The following TBC1D9 variants were observed in gnomAD, a reference collection of about 807,000 sequenced individuals.
TBC1D9 encodes the protein TBC1 domain family member 9A.
TBC1D9 carries 63 observed loss-of-function variants against 132.0 expected under a neutral mutation model. The ratio of observed to expected loss-of-function variants is 0.48; its 90% CI spans 0.39 to 0.59. The LOEUF (loss-of-function observed/expected upper bound fraction) is 0.59, where lower values mean the gene tolerates loss of function less well. Among genes scored for constraint, TBC1D9 ranks in the 20% least tolerant of loss-of-function variants. The pLI is 0.00. For missense variants in TBC1D9, 1,261 were observed against 1,592.7 expected (o/e 0.79, Z 3.54); for synonymous variants, 610 against 609.9 (o/e 1.00, Z 0.00).
chr4:140,635,786 G>A (rs528283329), intron 15 of TBC1D9, among the ~76,000 whole-genome samples: 2 of 152,250 alleles, frequency 1.3e-5, no homozygotes, highest in East Asian at 3.9e-4. Context: ...TCAAAGTTCC[G>A]TGGGCTTTGG....
rs1005742658 is a variant in TBC1D9, at chr4:140,685,480, T to G, written c.360+864A>C. 2.6e-5 allele frequency among the ~76,000 whole-genome samples: 4 copies of G among 152,104 alleles called. No homozygotes were observed. In the East Asian group the frequency reaches 7.7e-4, roughly 29 times the overall value. On this transcript the variant is annotated intron_variant, in intron 3 of 20. Coordinates refer to ENST00000442267, the MANE Select transcript of TBC1D9 (RefSeq NM_015130.3). ...AGTAAAAAACCAGAATTGTATACTT[T>G]AAAAACCTCAATGTCATAGAAGACA... is the stretch of plus-strand genomic sequence containing the variant.
intron 16 of TBC1D9, among the ~76,000 whole-genome samples, chr4:140,632,262 GT>G (rs11375011): frequency 1.1e-4 from 16 of 147,430 alleles, no homozygotes; most frequent in East Asian, 9.9e-4. Context: ...TTGCCCAAAG[GT>G]TTTTTTTTTT....
chr4:140,712,615 G>A (rs1016345587), intron 1 of TBC1D9, among the ~76,000 whole-genome samples: 24 of 150,330 alleles, frequency 1.6e-4, no homozygotes, highest in Admixed American at 1.1e-3. Flanking sequence ...AGTGGCGGGC[G>A]CCTGTTGTCC....
At chr4:140,754,210 A>G (rs1206650812) in intron 1 of TBC1D9, among the ~76,000 whole-genome samples, 1 of 152,226 alleles carries the variant, frequency 6.6e-6, no homozygotes, top group Non-Finnish European at 1.5e-5. Flanking sequence ...CAAATGACAC[A>G]GGTAAATGAA....
At chr4:140,657,406 T>C in intron 12 of TBC1D9, 121 bp downstream of exon 12, 1 of 1,345,448 alleles carries the variant, frequency 7.4e-7, no homozygotes. Context: ...AAATAAATCC[T>C]CAGCCACAGG....
chr4:140,685,805 T>C (rs114680476), intron 3 of TBC1D9, among the ~76,000 whole-genome samples: 3 of 152,068 alleles, frequency 2.0e-5, no homozygotes, highest in African/African-American at 7.2e-5. Context: ...GGAGACAGAG[T>C]AGAATGATAG....
At chr4:140,647,317 C>T (rs1336952633) in intron 13 of TBC1D9, among the ~76,000 whole-genome samples, 1 of 152,202 alleles carries the variant, frequency 6.6e-6, no homozygotes, top group African/African-American at 2.4e-5. Context: ...GGCTGAGCTG[C>T]AAGTGGTCTG....
At chr4:140,656,517 A>C (rs1446282368) in intron 13 of TBC1D9, among the ~76,000 whole-genome samples, 2 of 152,106 alleles carry the variant, frequency 1.3e-5, no homozygotes, top group African/African-American at 4.8e-5. Flanking sequence ...AGCTCACTAC[A>C]ACCTCAGCGT....
intron 1 of TBC1D9, among the ~76,000 whole-genome samples, chr4:140,738,358 C>T (rs1738708088): frequency 6.6e-6 from 1 of 152,014 alleles, no homozygotes; most frequent in African/African-American, 2.4e-5. Context: ...GCATAATTGA[C>T]CCCCCCTTTC....
In TBC1D9 at chr4:140,736,723, A is replaced by G. The variant is rs534900748; in HGVS notation, c.130+19193T>C. The stretch of plus-strand genomic sequence containing the variant: ...ATGAAGATTAGCCTCCTGACAGTTA[A>G]GTAGAGCAGAGTATGATCTGTAGGG... On this transcript the variant is annotated intron_variant, in intron 1 of 20. Transcript: ENST00000442267. Among the ~76,000 whole-genome samples, 163 of 152,122 alleles carry G rather than the reference A, an allele frequency of 1.1e-3. 1 individual carries two copies. Among genetic ancestry groups the G allele is most frequent in the Non-Finnish European group, 2.1e-3 (145 of 68,020 alleles).
chr4:140,671,099 CA>C (rs1737529522), intron 6 of TBC1D9, among the ~76,000 whole-genome samples, 173 bp from the exon 7 acceptor site: 1 of 152,122 alleles, frequency 6.6e-6, no homozygotes, highest in African/African-American at 2.4e-5. Context: ...TAAAACAGCT[CA>C]AAACAATCAA....
intron 1 of TBC1D9, among the ~76,000 whole-genome samples, chr4:140,727,828 T>A (rs1738524349): frequency 6.6e-6 from 1 of 151,862 alleles, no homozygotes; most frequent in Admixed American, 6.6e-5. Context: ...GGGGTGGGAA[T>A]GGCATAACAC....
intron 1 of TBC1D9, among the ~76,000 whole-genome samples, chr4:140,703,306 T>C (rs1033363289): frequency 2.0e-5 from 3 of 152,296 alleles, no homozygotes; most frequent in Non-Finnish European, 2.9e-5. Flanking sequence ...GTACCTCATG[T>C]TATTTTGTAA....
intron 1 of TBC1D9, among the ~76,000 whole-genome samples, chr4:140,722,664 T>C (rs1030212649): frequency 6.6e-6 from 1 of 152,180 alleles, no homozygotes; most frequent in Non-Finnish European, 1.5e-5. Context: ...AATGATACCC[T>C]TGTAAACTAT....
intron 1 of TBC1D9, among the ~76,000 whole-genome samples, chr4:140,742,988 G>T (rs1738783893): frequency 6.6e-6 from 1 of 151,946 alleles, no homozygotes; most frequent in African/African-American, 2.4e-5. Flanking sequence ...GGAGGAAAAG[G>T]AAGGGAAGGA....
Position 140,718,304 on chromosome 4 carries a change from C to T in TBC1D9, c.131-16690G>A, listed in dbSNP as rs151153182. On this transcript the variant is annotated intron_variant, in intron 1 of 20. Coordinates refer to ENST00000442267, the MANE Select transcript of TBC1D9 (RefSeq NM_015130.3). Reference sequence around the variant, plus strand: ...GCACATTGGGAGGTGACTCACAGGACATTTGCCTGATCTTTATGCTAGTTC... The same window carrying T: ...GCACATTGGGAGGTGACTCACAGGATATTTGCCTGATCTTTATGCTAGTTC... Among the ~76,000 whole-genome samples, 491 of 147,802 alleles carry T rather than the reference C, an allele frequency of 3.3e-3. 1 individual carries two copies. The highest frequency in any genetic ancestry group is 0.012 in the African/African-American group (458 of 39,808).
intron 6 of TBC1D9, among the ~76,000 whole-genome samples, chr4:140,674,361 A>G (rs1737589326): frequency 1.3e-5 from 2 of 152,186 alleles, no homozygotes; most frequent in Admixed American, 1.3e-4. Flanking sequence ...AACATTTTTC[A>G]TTCTTTTTGA....
chr4:140,715,056 C>T (rs1485881129), intron 1 of TBC1D9, among the ~76,000 whole-genome samples: 1 of 152,026 alleles, frequency 6.6e-6, no homozygotes, highest in Non-Finnish European at 1.5e-5. Context: ...CAGGAGAGAT[C>T]GAGGCTGCAG....
chr4:140,644,691 C>T (rs892186425), intron 13 of TBC1D9: 7 of 418,174 alleles, frequency 1.7e-5, no homozygotes, highest in Non-Finnish European at 2.8e-5. Context: ...ACAGGAACTC[C>T]TGCAGCTGCA....
Sources: gnomAD v4.1 joint callset for allele counts (sites outside exome capture counted in the v4.1 genomes callset) on GRCh38, gnomAD v4.1.1 for gene constraint, MANE v1.5 for transcripts, NCBI Gene and HGNC (gene_info 2026-07-23, HGNC 2026-07-21) for gene names.